LPP: variants seen among roughly 807,000 people sequenced by gnomAD.
LPP encodes the protein lipoma-preferred partner.
Under a neutral mutation model 60.4 loss-of-function variants are expected in LPP, and 38 were observed. The observed-to-expected ratio is 0.63, with a 90% CI of 0.49 to 0.83. The LOEUF is 0.83. Ranked by LOEUF, LPP falls within the 40% of genes least tolerant of loss-of-function variation. The probability of loss-of-function intolerance (pLI) is 0.00; values close to 1 mark genes in which losing one functional copy is unlikely to be tolerated. For synonymous variants in LPP, 328 were observed against 290.8 expected (o/e 1.13, Z -1.30); for missense variants, 902 against 783.6 (o/e 1.15, Z -1.80).
chr3:188,375,825 T>C (rs947255399), intron 3 of LPP, among the ~76,000 whole-genome samples: 7 of 152,174 alleles, frequency 4.6e-5, no homozygotes, highest in African/African-American at 1.7e-4. Flanking sequence ...TCTTTCCTGC[T>C]TCTCTTGTGG....
intron 8 of LPP, chr3:188,710,099 A>C (rs775635380): frequency 6.6e-6 from 1 of 152,226 alleles, no homozygotes; most frequent in Non-Finnish European, 1.5e-5. Context: ...GAAATTGCAC[A>C]GGATTTTTGC....
chr3:188,290,902 GGGT>G (rs1745713503), intron 2 of LPP, among the ~76,000 whole-genome samples: 1 of 152,174 alleles, frequency 6.6e-6, no homozygotes, highest in Admixed American at 6.5e-5. Context: ...GCACATGCCT[GGGT>G]CTGTCCTCAG....
rs1451829162 is a variant in LPP at position 188,610,326 on chromosome 3, T to C, written c.1113+482T>C. 1.3e-5 allele frequency among the ~76,000 whole-genome samples: 2 copies of C among 152,190 alleles called. No homozygotes were observed. The highest frequency in any genetic ancestry group is 1.3e-4 in the Admixed American group (2 of 15,274). ...AACTGAGTGAACTGCTGTCAGGCTG[T>C]GGCCCTGTGAAGGCGATTATAACTC... On this transcript the variant is annotated intron_variant, in intron 7 of 11. Transcript: ENST00000617246. This position sits in a 1 kb window ranked among gnomAD's most constrained non-coding sequence, Gnocchi z 4.4.
intron 3 of LPP, among the ~76,000 whole-genome samples, chr3:188,393,979 C>T (rs1218933077): frequency 6.6e-6 from 1 of 152,128 alleles, no homozygotes; most frequent in Non-Finnish European, 1.5e-5. Context: ...GATTTAAATG[C>T]CCCTGTAATG....
intron 2 of LPP, among the ~76,000 whole-genome samples, chr3:188,281,357 T>G (rs987731916): frequency 7.9e-5 from 12 of 151,878 alleles, no homozygotes; most frequent in African/African-American, 2.9e-4. Context: ...ATCCCAGCAT[T>G]TTGGGAGGCT....
chr3:188,265,873 GTGTGTGTGT>G (rs1735343321), intron 2 of LPP, among the ~76,000 whole-genome samples: 1 of 131,608 alleles, frequency 7.6e-6, no homozygotes, highest in African/African-American at 3.6e-5. Context: ...TTACTCTGGT[GTGTGTGTGT>G]GTGTGTGTGT....
At chr3:188,551,728 A>T (rs1368209006) in intron 6 of LPP, among the ~76,000 whole-genome samples, 1 of 152,156 alleles carries the variant, frequency 6.6e-6, no homozygotes, top group African/African-American at 2.4e-5. Context: ...GAAGATGGTG[A>T]CAGCTACTGA....
At chr3:188,455,827 G>A (rs1376450318) in intron 4 of LPP, among the ~76,000 whole-genome samples, 1 of 152,082 alleles carries the variant, frequency 6.6e-6, no homozygotes, top group Non-Finnish European at 1.5e-5. Flanking sequence ...TGTCAAATGT[G>A]GTTGTAAAAC....
chr3:188,552,150 A>G (rs527938422), intron 6 of LPP, among the ~76,000 whole-genome samples: 1 of 152,324 alleles, frequency 6.6e-6, no homozygotes, highest in East Asian at 1.9e-4. Flanking sequence ...ATGTTTTACA[A>G]TTCCCAGAAT....
intron 11 of LPP, among the ~76,000 whole-genome samples, chr3:188,873,540 G>C (rs1768708135): frequency 6.6e-6 from 1 of 152,036 alleles, no homozygotes; most frequent in Non-Finnish European, 1.5e-5. Context: ...CCTAAGAGGA[G>C]CTGTCAGCGG....
chr3:188,305,022 A>G (rs536694786), intron 2 of LPP, among the ~76,000 whole-genome samples: 1 of 152,132 alleles, frequency 6.6e-6, no homozygotes, highest in Non-Finnish European at 1.5e-5. Context: ...TAGCTTGCAC[A>G]TTTCTCTCAA....
At position 188,866,257 on chromosome 3, in the gene LPP, G is replaced by A. The variant is rs2151991332; in HGVS notation, c.1468G>A (p.Ala490Thr). The A allele has an allele frequency of 3.8e-6, 6 of 1,585,548 alleles. No individual in the cohort carries two copies. Among genetic ancestry groups the A allele is most frequent in the Non-Finnish European group, 5.2e-6 (6 of 1,164,686 alleles). ...GCCCATCATGGAGCGGATTCTCCGA[G>A]CCACCGGGAAGGCCTATCATCCTCA... is the stretch of plus-strand genomic sequence containing the variant. ...SKPIMERILRATGKAYHPHCF... is the reference protein window; with the variant it reads ...SKPIMERILRTTGKAYHPHCF... The change falls in exon 10 of 12, where the codon GCC becomes ACC. Residue 490 changes from alanine to threonine, a missense_variant. Ala to Thr is a moderately conservative substitution (Grantham distance 58). Transcript: ENST00000617246.
rs183573773 is a variant in LPP, at chr3:188,610,512, T to G, written c.1113+668T>G. ...ATGCAGCTTGTTTGTGACCCCTTGTTTATTCATTTTACTAATCCTCCAGAA... is the reference window on the plus strand; with the variant it reads ...ATGCAGCTTGTTTGTGACCCCTTGTGTATTCATTTTACTAATCCTCCAGAA... On this transcript the variant is annotated intron_variant, in intron 7 of 11. Transcript: ENST00000617246. The surrounding 1 kb of genome is among the most constrained non-coding windows in gnomAD (Gnocchi z 4.4). Among the ~76,000 whole-genome samples the G allele has an allele frequency of 6.6e-6, 1 of 152,356 alleles. No individual in the cohort carries two copies. Among genetic ancestry groups the G allele is most frequent in the East Asian group, 1.9e-4 (1 of 5,190 alleles).
At position 188,825,769 on chromosome 3, in the gene LPP, TTTTG is replaced by T. The variant is rs952032744; in HGVS notation, c.1411-40415_1411-40412del. Among the ~76,000 whole-genome samples the T allele has an allele frequency of 3.2e-4, 48 of 152,028 alleles. 1 individual carries two copies. Among genetic ancestry groups the T allele is most frequent in the Non-Finnish European group, 5.3e-4 (36 of 67,994 alleles). ...TGGTTTTTGTTCGTTTGTTTTTGTT[TTTTG>T]TTTGTTTGTTTGTTTTGCCAGATAC... On this transcript the variant is annotated intron_variant, in intron 9 of 11. Coordinates refer to ENST00000617246, the MANE Select transcript of LPP (RefSeq NM_001375462.1).
chr3:188,308,161 C>G (rs549449241), intron 2 of LPP, among the ~76,000 whole-genome samples: 36 of 152,156 alleles, frequency 2.4e-4, no homozygotes, highest in African/African-American at 7.2e-4. Context: ...CTAGGAAAGC[C>G]AAATTGTTGG....
At chr3:188,537,572 GTCTC>G (rs1823968365) in intron 6 of LPP, among the ~76,000 whole-genome samples, 1 of 152,060 alleles carries the variant, frequency 6.6e-6, no homozygotes, top group Non-Finnish European at 1.5e-5. Context: ...TGAATACAAA[GTCTC>G]TGTCGATTTG....
intron 9 of LPP, among the ~76,000 whole-genome samples, chr3:188,793,222 TCC>T (rs1213386069): frequency 8.0e-5 from 12 of 150,242 alleles, no homozygotes; most frequent in Non-Finnish European, 1.8e-4. Context: ...TTGCTTTGTC[TCC>T]CAGCCTGGAG....
chr3:188,805,175 G>C (rs1350878161), intron 9 of LPP, among the ~76,000 whole-genome samples: 1 of 151,898 alleles, frequency 6.6e-6, no homozygotes, highest in African/African-American at 2.4e-5. Flanking sequence ...TAATATATTT[G>C]ACTAGATTTG....
intron 2 of LPP, among the ~76,000 whole-genome samples, chr3:188,294,603 A>G (rs1747229670): frequency 6.6e-6 from 1 of 152,236 alleles, no homozygotes; most frequent in Non-Finnish European, 1.5e-5. Context: ...AAAAATTTAT[A>G]CTTTCTCAAA....
Sources: allele counts gnomAD v4.1 joint callset (sites outside exome capture counted in the v4.1 genomes callset), GRCh38; gene constraint gnomAD v4.1.1; non-coding constraint Gnocchi (gnomAD v3.1); transcripts MANE v1.5; gene names NCBI Gene and HGNC (gene_info 2026-07-23, HGNC 2026-07-21).